The following TMEM232 variants were observed in gnomAD, a reference collection of about 807,000 sequenced individuals.
The protein encoded by TMEM232 is transmembrane protein 232.
A neutral mutation model predicts 78.8 loss-of-function variants in TMEM232; 80 were observed. The observed-to-expected ratio is 1.01, with a 90% CI of 0.85 to 1.22. TMEM232 has a LOEUF of 1.22. TMEM232 is among the 50% of genes most tolerant of loss of function. The pLI is 0.00. For missense variants in TMEM232, 881 were observed against 742.2 expected (o/e 1.19, Z -2.17); for synonymous variants, 297 against 254.3 (o/e 1.17, Z -1.60).
At chr5:110,453,297 AATTTT>A (rs571588104) in intron 12 of TMEM232, among the ~76,000 whole-genome samples, 6 of 151,982 alleles carry the variant, frequency 3.9e-5, no homozygotes, top group Non-Finnish European at 7.4e-5. Flanking sequence ...TACTTTTTTA[AATTTT>A]ATTTTATTTT....
chr5:110,643,853 A>C (rs2150028108), intron 2 of TMEM232, among the ~76,000 whole-genome samples: 1 of 152,126 alleles, frequency 6.6e-6, no homozygotes, highest in South Asian at 2.1e-4. Flanking sequence ...TGTTCTGTAA[A>C]CTGGAATCAA....
chr5:110,604,835 G>C (rs937739468), intron 10 of TMEM232, among the ~76,000 whole-genome samples: 1 of 152,084 alleles, frequency 6.6e-6, no homozygotes, highest in East Asian at 1.9e-4. Context: ...GCGAGTGCCT[G>C]TAGTCCCAGC....
chr5:110,465,146 T>A (rs1302082483), intron 12 of TMEM232, among the ~76,000 whole-genome samples: 1 of 152,246 alleles, frequency 6.6e-6, no homozygotes, highest in Non-Finnish European at 1.5e-5. Context: ...ATTAGCACAC[T>A]GTCAATGAAT....
intron 12 of TMEM232, among the ~76,000 whole-genome samples, chr5:110,465,452 G>C (rs1462481942): frequency 6.6e-6 from 1 of 152,188 alleles, no homozygotes; most frequent in Admixed American, 6.5e-5. Flanking sequence ...TAATATTTTA[G>C]TTGGGTCAGG....
intron 1 of TMEM232, among the ~76,000 whole-genome samples, chr5:110,692,335 C>T (rs1207017583): frequency 6.6e-6 from 1 of 152,152 alleles, no homozygotes; most frequent in Admixed American, 6.5e-5. Flanking sequence ...CCAAGATGGC[C>T]GAATAGCAGC....
intron 7 of TMEM232, among the ~76,000 whole-genome samples, chr5:110,620,725 C>T (rs183874359): frequency 4.0e-5 from 6 of 150,312 alleles, no homozygotes; most frequent in Non-Finnish European, 8.9e-5. Context: ...TGTCTAATTG[C>T]AGATGTGCTC....
chr5:110,738,290 T>G, upstream of TMEM232: 1 of 1,263,726 alleles, frequency 7.9e-7, no homozygotes, highest in Middle Eastern at 2.6e-4. Context: ...GTTATTCAAT[T>G]AGAGGTCCCA....
At chr5:110,462,578 T>C (rs1580780993) in intron 12 of TMEM232, among the ~76,000 whole-genome samples, 2 of 152,302 alleles carry the variant, frequency 1.3e-5, no homozygotes, top group African/African-American at 2.4e-5. Flanking sequence ...TCTGGGACTC[T>C]TGGACCTTTG....
At chr5:110,425,458 T>G (rs1457493086) in intron 12 of TMEM232, among the ~76,000 whole-genome samples, 1 of 152,026 alleles carries the variant, frequency 6.6e-6, no homozygotes, top group East Asian at 1.9e-4. Context: ...TAGAAGGTGG[T>G]TTTGAGGGTG....
At chr5:110,719,176 T>C (rs758121302) in intron 1 of TMEM232, among the ~76,000 whole-genome samples, 1 of 151,800 alleles carries the variant, frequency 6.6e-6, no homozygotes, top group African/African-American at 2.4e-5. Context: ...TGTATATACA[T>C]ATGTATATAC....
At chr5:110,596,443 G>A (rs1780180614) in intron 10 of TMEM232, among the ~76,000 whole-genome samples, 1 of 152,112 alleles carries the variant, frequency 6.6e-6, no homozygotes, top group South Asian at 2.1e-4. Flanking sequence ...GTACAAAGAG[G>A]AACTGGTACC....
At chr5:110,735,333 T>C (rs1799048555) in intron 1 of TMEM232, among the ~76,000 whole-genome samples, 1 of 152,226 alleles carries the variant, frequency 6.6e-6, no homozygotes, top group African/African-American at 2.4e-5. Context: ...TAATAATGAC[T>C]GGACTTTCGA....
chr5:110,391,487 T>C lies in TMEM232; in HGVS notation n.391-847A>G, dbSNP rs117849009. Reference sequence around the variant, plus strand: ...AGTGATTTTCCATATCCTTATAGAATTTATCATGTAACAGAAAATATTACT... The same window carrying C: ...AGTGATTTTCCATATCCTTATAGAACTTATCATGTAACAGAAAATATTACT... On this transcript the variant is annotated intron_variant and non_coding_transcript_variant, in intron 3 of 8. Transcript: ENST00000507188. Among the ~76,000 whole-genome samples, 64 of 152,196 alleles carry C rather than the reference T, an allele frequency of 4.2e-4. No individual in the cohort carries two copies. In the East Asian group the frequency reaches 0.011, roughly 26 times the overall value.
intron 12 of TMEM232, among the ~76,000 whole-genome samples, chr5:110,509,420 G>A (rs574560971): frequency 2.6e-5 from 4 of 152,150 alleles, no homozygotes; most frequent in African/African-American, 9.6e-5. Context: ...GGGCAATAGA[G>A]CAAGACCATA....
chr5:110,604,835 G>A (rs937739468), intron 10 of TMEM232, among the ~76,000 whole-genome samples: 1 of 152,084 alleles, frequency 6.6e-6, no homozygotes, highest in Non-Finnish European at 1.5e-5. Context: ...GCGAGTGCCT[G>A]TAGTCCCAGC....
intron 2 of TMEM232, among the ~76,000 whole-genome samples, chr5:110,399,838 T>G (rs1755528631): frequency 6.6e-6 from 1 of 152,140 alleles, no homozygotes; most frequent in Non-Finnish European, 1.5e-5. Context: ...GGATCTTCTT[T>G]TCTAGATATT....
At chr5:110,501,430 G>T (rs952156029) in intron 12 of TMEM232, among the ~76,000 whole-genome samples, 1 of 151,898 alleles carries the variant, frequency 6.6e-6, no homozygotes, top group African/African-American at 2.4e-5. Context: ...TAACCCTTAA[G>T]AAGAAATTAA....
intron 7 of TMEM232, among the ~76,000 whole-genome samples, chr5:110,621,368 T>C (rs1783725831): frequency 6.6e-6 from 1 of 152,132 alleles, no homozygotes; most frequent in Non-Finnish European, 1.5e-5. Context: ...CAAGGTGTGG[T>C]TGGCAGATAA....
At chr5:110,526,025 C>CAA (rs758110596) in intron 12 of TMEM232, among the ~76,000 whole-genome samples, 1,773 of 47,478 alleles carry the variant, frequency 0.037, 105 homozygotes, top group African/African-American at 0.12. Flanking sequence ...CACCATACAC[C>CAA]AAAAAAAAAA....
Sources: gnomAD v4.1 joint callset for allele counts (sites outside exome capture counted in the v4.1 genomes callset) on GRCh38, gnomAD v4.1.1 for gene constraint, MANE v1.5 for transcripts, NCBI Gene and HGNC (gene_info 2026-07-23, HGNC 2026-07-21) for gene names.